The following ZNF221 variants were observed in gnomAD, a reference collection of about 807,000 sequenced individuals.
The protein encoded by ZNF221 is zinc finger protein 221.
In ZNF221, 10 loss-of-function variants were observed where a neutral mutation model predicts 12.6. The ratio of observed to expected loss-of-function variants is 0.79; its 90% confidence interval spans 0.49 to 1.34. ZNF221 has a LOEUF of 1.34. Among genes scored for constraint, ZNF221 ranks in the 40% most tolerant of loss-of-function variants. The pLI is 0.00. For missense variants in ZNF221, 661 were observed against 721.4 expected (o/e 0.92, Z 0.96); for synonymous variants, 232 against 244.0 (o/e 0.95, Z 0.46).
rs770102175 is a variant in ZNF221, at chr19:43,966,973, T to TC, written c.1473dup (p.Cys492LeufsTer18). ...ATGTGGCAAGAGCTTTGGCTGGGCC[T>TC]CCTGTCTTTTGAAACATCAGAGACT... On this transcript the variant is annotated frameshift_variant, in exon 5 of 5. Coordinates refer to ENST00000587682, the MANE Select transcript of ZNF221 (RefSeq NM_001297588.2). LOFTEE classifies it low-confidence loss of function (END_TRUNC). 49 of 1,613,972 alleles carry TC rather than the reference T, an allele frequency of 3.0e-5. No individual in the cohort carries two copies. The highest frequency in any genetic ancestry group is 3.6e-5 in the Non-Finnish European group (43 of 1,180,028).
chr19:43,976,089 A>T, the ZNF221 span, among the ~76,000 whole-genome samples: 1 of 152,256 alleles, frequency 6.6e-6, no homozygotes, highest in East Asian at 1.9e-4. Flanking sequence ...GAATAGAGAC[A>T]GTCTCACCAT....
At chr19:43,978,432 G>A in the ZNF221 span, 1 of 152,068 alleles carries the variant, frequency 6.6e-6, no homozygotes, top group African/African-American at 2.4e-5. Context: ...CCAGATAATA[G>A]TTCATCTCTA....
Position 43,966,853 on chromosome 19 carries a change from A to G in ZNF221, c.1351A>G (p.Asn451Asp). The G allele has an allele frequency of 6.2e-7, 1 of 1,614,246 alleles. No homozygotes were observed. The highest frequency in any genetic ancestry group is 8.5e-7 in the Non-Finnish European group (1 of 1,180,032). ...QRSHNGEKPY[N>D]CEECGKDYKR... is the part of the protein sequence containing the mutation. ...ATCCCACAATGGAGAAAAGCCATAT[A>G]ACTGTGAGGAGTGTGGTAAGGACTA... Residue 451 changes from asparagine (N) to aspartate (D), a missense_variant, in exon 5 of 5, where the codon AAC becomes GAC. Coordinates refer to ENST00000587682, the MANE Select transcript of ZNF221 (RefSeq NM_001297588.2).
intron 1 of ZNF221, among the ~76,000 whole-genome samples, chr19:43,957,100 A>T (rs1337461280): frequency 6.6e-6 from 1 of 152,248 alleles, no homozygotes; most frequent in African/African-American, 2.4e-5. Context: ...TGACTGGCAC[A>T]AGAGTAGGTT....
chr19:43,977,577 A>G, the ZNF221 span: 1 of 152,174 alleles, frequency 6.6e-6, no homozygotes, highest in African/African-American at 2.4e-5. Flanking sequence ...TGTGGAGGTT[A>G]AAAAAACAGA....
the ZNF221 span, among the ~76,000 whole-genome samples, chr19:43,980,095 G>A: frequency 6.6e-6 from 1 of 152,166 alleles, no homozygotes; most frequent in Non-Finnish European, 1.5e-5. Flanking sequence ...AAGTGGGAAA[G>A]AAAAAGATGA....
intron 1 of ZNF221, among the ~76,000 whole-genome samples, chr19:43,962,242 A>G (rs1352576505): frequency 2.0e-5 from 3 of 152,192 alleles, no homozygotes; most frequent in African/African-American, 7.2e-5. Flanking sequence ...AGGAACTTTG[A>G]ACAGTGGTGT....
rs371872818 is a variant in ZNF221, at chr19:43,966,773, G to A, written c.1271G>A (p.Cys424Tyr). 1.2e-5 allele frequency: 20 copies of A among 1,614,202 alleles called. No homozygotes were observed. In the African/African-American group the frequency reaches 2.4e-4, roughly 19 times the overall value. ...CACAGTGGACAAAAATCCTTCAAAT[G>A]TGAAGAATGTGGGAAGGGATTTTAT... ...QVHSGQKSFK[C>Y]EECGKGFYTN... Residue 424 changes from cysteine (C) to tyrosine (Y), a missense_variant, in exon 5 of 5, where the codon TGT (cysteine) becomes TAT (tyrosine). By Grantham distance (194) the Cys-to-Tyr change is radical (BLOSUM62 -2). Coordinates refer to ENST00000587682, the MANE Select transcript of ZNF221 (RefSeq NM_001297588.2).
Position 43,966,957 on chromosome 19 carries a change from G to C in ZNF221, c.1455G>C (p.Lys485Asn), listed in dbSNP as rs777129718. Residue 485 changes from lysine (K) to asparagine (N), a missense_variant, in exon 5 of 5, where the codon AAG becomes AAC. Physicochemically the swap from Lys to Asn is moderately conservative, Grantham distance 94. Coordinates refer to ENST00000587682, the MANE Select transcript of ZNF221 (RefSeq NM_001297588.2). ...CCTATAATTGTAAGGAATGTGGCAAGAGCTTTGGCTGGGCCTCCTGTCTTT... is the reference window on the plus strand; with the variant it reads ...CCTATAATTGTAAGGAATGTGGCAACAGCTTTGGCTGGGCCTCCTGTCTTT... The part of the protein sequence containing the change: ...ERPYNCKECG[K>N]SFGWASCLLK... 1.5e-5 allele frequency: 25 copies of C among 1,614,088 alleles called. No individual in the cohort carries two copies. The highest frequency in any genetic ancestry group is 2.0e-5 in the Non-Finnish European group (24 of 1,180,040).
the ZNF221 span, among the ~76,000 whole-genome samples, chr19:43,975,283 C>T: frequency 7.2e-5 from 11 of 152,128 alleles, no homozygotes; most frequent in Non-Finnish European, 1.0e-4. Context: ...ATAACAAAGA[C>T]ATGGACTCAG....
chr19:43,966,139 C>T lies in ZNF221; in HGVS notation c.637C>T (p.Leu213Phe). The change falls in exon 5 of 5, where the codon CTT becomes TTT. Residue 213 changes from leucine (L) to phenylalanine (F), a missense_variant. By Grantham distance (22) the Leu-to-Phe change is conservative. Coordinates refer to ENST00000587682, the MANE Select transcript of ZNF221 (RefSeq NM_001297588.2). ...AAAAAGCTTCTGTTACAGCCCAGCC[C>T]TTCATATTCATCAGAGAGTCCATAT... is the stretch of plus-strand genomic sequence containing the variant. Reference protein sequence around the residue: ...CGKSFCYSPALHIHQRVHMGE... With the variant: ...CGKSFCYSPAFHIHQRVHMGE... 5.0e-6 allele frequency: 8 copies of T among 1,614,170 alleles called. No homozygotes were observed. The highest frequency in any genetic ancestry group is 6.8e-6 in the Non-Finnish European group (8 of 1,180,038).
At chr19:43,972,780 A>AAAAAAAAAC in the ZNF221 span, among the ~76,000 whole-genome samples, 1 of 150,064 alleles carries the variant, frequency 6.7e-6, no homozygotes, top group Non-Finnish European at 1.5e-5. Context: ...AAAAAAAAAA[A>AAAAAAAAAC]GCCCAGGACC....
At position 43,967,335 on chromosome 19, in the gene ZNF221, A is replaced by G. The variant is rs778188700; in HGVS notation, c.1833A>G (p.Leu611=). 44 of 1,611,980 alleles carry G rather than the reference A, an allele frequency of 2.7e-5. No homozygotes were observed. In the Admixed American group the frequency reaches 3.5e-4, roughly 13 times the overall value. Residue 611 remains leucine (L), a synonymous_variant, in exon 5 of 5, where the codon CTA becomes CTG. Transcript: ENST00000587682. The part of the protein sequence containing the change: ...EFTASFTSVS[L]CGRKAI ...CAGCTTCATTTACATCAGTAAGTCT[A>G]TGTGGGAGAAAAGCCATATAAATGT...
At chr19:43,961,074 C>T (rs147623661) in intron 1 of ZNF221, among the ~76,000 whole-genome samples, 69 of 152,292 alleles carry the variant, frequency 4.5e-4, no homozygotes, top group African/African-American at 1.6e-3. Context: ...ATCTCTTATA[C>T]CAGGATGTGG....
At chr19:43,962,627 C>A in intron 1 of ZNF221, 98 bp from the exon 2 acceptor site, 2 of 1,185,796 alleles carry the variant, frequency 1.7e-6, no homozygotes, top group Non-Finnish European at 2.5e-6. Context: ...CTGCTATGAA[C>A]ATTCATGTGC....
chr19:43,967,878 A>G (rs8101549), downstream of ZNF221: 1,626 of 183,212 alleles, frequency 8.9e-3, 36 homozygotes, highest in African/African-American at 0.038. Context: ...TTGACTTGAT[A>G]TGCATCAGAG....
chr19:43,953,062 G>T (rs1408715853), intron 1 of ZNF221, among the ~76,000 whole-genome samples: 1 of 152,044 alleles, frequency 6.6e-6, no homozygotes, highest in Non-Finnish European at 1.5e-5. Flanking sequence ...CACTTCCCGG[G>T]TTCAAGCGAT....
At position 43,965,268 on chromosome 19, in the gene ZNF221, T is replaced by C; in HGVS notation, c.244T>C (p.Leu82=). ...QPFHQDTFHF[L]GKEKFWKMKT... The stretch of plus-strand genomic sequence containing the variant: ...ATTCCACCAAGATACTTTCCACTTC[T>C]TAGGGAAGGAAAAGTTTTGGAAGAT... Residue 82 remains leucine (L), a synonymous_variant, in exon 4 of 5, where the codon TTA becomes CTA. Coordinates refer to ENST00000587682, the MANE Select transcript of ZNF221 (RefSeq NM_001297588.2). The C allele has an allele frequency of 6.2e-7, 1 of 1,613,668 alleles. No individual in the cohort carries two copies. Among genetic ancestry groups the C allele is most frequent in the Non-Finnish European group, 8.5e-7 (1 of 1,179,742 alleles).
intron 1 of ZNF221, among the ~76,000 whole-genome samples, chr19:43,952,560 G>A (rs903172015): frequency 2.0e-5 from 3 of 152,192 alleles, no homozygotes; most frequent in African/African-American, 7.2e-5. Flanking sequence ...TTAAAGATGA[G>A]AGTGAAACAA....
Sources: allele counts gnomAD v4.1 joint callset (sites outside exome capture counted in the v4.1 genomes callset), GRCh38; gene constraint gnomAD v4.1.1; transcripts MANE v1.5; gene names NCBI Gene and HGNC (gene_info 2026-07-23, HGNC 2026-07-21).